Variants in KLHL1 observed in about 807,000 individuals in gnomAD.
KLHL1 encodes the protein kelch like family member 1.
KLHL1 carries 47 observed loss-of-function variants against 77.7 expected under a neutral mutation model. That is an observed-to-expected ratio of 0.60 (90% CI 0.48 to 0.77). The LOEUF (loss-of-function observed/expected upper bound fraction) is 0.77, where lower values mean the gene tolerates loss of function less well. Among genes scored for constraint, KLHL1 ranks in the 30% least tolerant of loss-of-function variants. The pLI is 0.00. For synonymous variants in KLHL1, 360 were observed against 325.2 expected (o/e 1.11, Z -1.15); for missense variants, 925 against 910.8 (o/e 1.02, Z -0.20).
At chr13:70,097,451 A>T (rs1887819432) in intron 1 of KLHL1, among the ~76,000 whole-genome samples, 1 of 152,000 alleles carries the variant, frequency 6.6e-6, no homozygotes, top group Non-Finnish European at 1.5e-5. Context: ...GCTGTCTAAC[A>T]TCACCTAATC....
chr13:70,059,223 A>G (rs370115479), intron 1 of KLHL1, among the ~76,000 whole-genome samples: 1 of 151,700 alleles, frequency 6.6e-6, no homozygotes, highest in African/African-American at 2.4e-5. Flanking sequence ...CAGTGGCACA[A>G]CCTTGGCTTA....
In KLHL1 at chr13:70,064,555, C is replaced by T. The variant is rs143888911; in HGVS notation, c.497+42648G>A. On this transcript the variant is annotated intron_variant, in intron 1 of 10. Coordinates refer to ENST00000377844, the MANE Select transcript of KLHL1 (RefSeq NM_020866.3). ...CACCTATTGTGATAAACCTCATTGTCATGGTTGTAATGTTTCATGTTTTCC... is the reference window on the plus strand; with the variant it reads ...CACCTATTGTGATAAACCTCATTGTTATGGTTGTAATGTTTCATGTTTTCC... 5.1e-3 allele frequency among the ~76,000 whole-genome samples: 784 copies of T among 152,280 alleles called. 8 individuals are homozygous for T. The highest frequency in any genetic ancestry group is 0.018 in the African/African-American group (742 of 41,558).
chr13:69,774,662 AT>A lies in KLHL1; in HGVS notation c.1639+22075del. On this transcript the variant is annotated intron_variant, in intron 7 of 10. Transcript: ENST00000377844. ...TTCCTAATAAACTTGCCTTCACTTA[AT>A]AAAAAAAAACACACACACACAAGCA... Among the ~76,000 whole-genome samples the A allele has an allele frequency of 2.1e-5, 3 of 141,418 alleles. No individual in the cohort carries two copies. In the East Asian group the frequency reaches 6.4e-4, roughly 30 times the overall value. 92.8% of individuals were successfully genotyped at this position (141,418 alleles called of 152,430 possible). A position where few individuals can be genotyped will look rare whatever the true frequency, so the allele number is the denominator to read the frequency against.
At chr13:69,968,295 A>G (rs1008310968) in intron 2 of KLHL1, among the ~76,000 whole-genome samples, 1 of 151,926 alleles carries the variant, frequency 6.6e-6, no homozygotes, top group African/African-American at 2.4e-5. Context: ...GCTACTGCAC[A>G]CTTATTAGAC....
chr13:69,722,715 GAAAACCATTACGA>G (rs1184320076), intron 8 of KLHL1, among the ~76,000 whole-genome samples: 2 of 152,008 alleles, frequency 1.3e-5, no homozygotes, highest in South Asian at 2.1e-4. Context: ...TGTAAATTAG[GAAAACCATTACGA>G]AAAACCATTA....
chr13:70,046,820 GT>G (rs1886510512), intron 1 of KLHL1, among the ~76,000 whole-genome samples: 1 of 151,988 alleles, frequency 6.6e-6, no homozygotes, highest in African/African-American at 2.4e-5. Context: ...TAGCTTATGT[GT>G]TTATACCTTA....
intron 4 of KLHL1, among the ~76,000 whole-genome samples, chr13:69,903,932 G>T (rs967135170): frequency 6.6e-6 from 1 of 151,546 alleles, no homozygotes; most frequent in Non-Finnish European, 1.5e-5. Context: ...GAGCCACCGC[G>T]CCCGGCCCTC....
At chr13:69,937,886 A>C (rs1306699666) in intron 4 of KLHL1, among the ~76,000 whole-genome samples, 1 of 152,150 alleles carries the variant, frequency 6.6e-6, no homozygotes, top group African/African-American at 2.4e-5. Flanking sequence ...ACATCTAAAG[A>C]GTTTGGGCAA....
At chr13:69,969,245 T>G (rs1427285175) in intron 2 of KLHL1, among the ~76,000 whole-genome samples, 1 of 152,228 alleles carries the variant, frequency 6.6e-6, no homozygotes, top group East Asian at 1.9e-4. Context: ...TTAAATATTT[T>G]ATTAATATTA....
At chr13:69,717,148 A>C (rs1252011210) in intron 9 of KLHL1, among the ~76,000 whole-genome samples, 1 of 152,176 alleles carries the variant, frequency 6.6e-6, no homozygotes, top group Non-Finnish European at 1.5e-5. Flanking sequence ...ATAATAGTTT[A>C]CATTTCTATA....
At chr13:69,778,380 C>T (rs890476872) in intron 7 of KLHL1, among the ~76,000 whole-genome samples, 1 of 152,054 alleles carries the variant, frequency 6.6e-6, no homozygotes, top group South Asian at 2.1e-4. Flanking sequence ...GTTTAAAGGG[C>T]CAGTTTTCTA....
At chr13:69,900,956 C>CA (rs543503514) in intron 4 of KLHL1, among the ~76,000 whole-genome samples, 6 of 152,016 alleles carry the variant, frequency 3.9e-5, no homozygotes, top group African/African-American at 1.2e-4. Context: ...CTGCATATCC[C>CA]AAAAAAACCT....
chr13:69,777,252 CTT>C (rs1213241047), intron 7 of KLHL1, among the ~76,000 whole-genome samples: 6 of 152,010 alleles, frequency 3.9e-5, no homozygotes, highest in African/African-American at 1.4e-4. Context: ...ACCTCTTTTT[CTT>C]TTTAAATTAT....
intron 7 of KLHL1, among the ~76,000 whole-genome samples, chr13:69,756,587 A>T (rs1190381794): frequency 6.6e-6 from 1 of 152,178 alleles, no homozygotes; most frequent in Non-Finnish European, 1.5e-5. Flanking sequence ...TAGAAAAGAA[A>T]TGTGAAAAAT....
intron 1 of KLHL1, among the ~76,000 whole-genome samples, chr13:70,089,739 G>C (rs1167291443): frequency 6.6e-6 from 1 of 152,006 alleles, no homozygotes; most frequent in Non-Finnish European, 1.5e-5. Context: ...AACAATATTA[G>C]GTATATTTCA....
rs150222167 is a variant in KLHL1, at chr13:69,792,000, C to G, written c.1639+4738G>C. ...AATTGCAGAGCGTCAGGAGAAATAGCGAATGCATGCTGGGCTTAATACCTA... is the reference window on the plus strand; with the variant it reads ...AATTGCAGAGCGTCAGGAGAAATAGGGAATGCATGCTGGGCTTAATACCTA... On this transcript the variant is annotated intron_variant, in intron 7 of 10. Coordinates refer to ENST00000377844, the MANE Select transcript of KLHL1 (RefSeq NM_020866.3). Among the ~76,000 whole-genome samples, 18 of 152,170 alleles carry G rather than the reference C, an allele frequency of 1.2e-4. No individual in the cohort carries two copies. In the East Asian group the frequency reaches 3.3e-3, roughly 28 times the overall value.
chr13:69,811,384 C>G (rs1877872451), intron 6 of KLHL1, among the ~76,000 whole-genome samples: 1 of 150,572 alleles, frequency 6.6e-6, no homozygotes. Flanking sequence ...ACCATATGGT[C>G]AACGTAATAG....
At chr13:70,043,580 T>C (rs990074568) in intron 1 of KLHL1, among the ~76,000 whole-genome samples, 2 of 152,138 alleles carry the variant, frequency 1.3e-5, no homozygotes, top group African/African-American at 2.4e-5. Context: ...TCTATACAGG[T>C]ATACCATTTT....
chr13:70,076,954 A>C (rs1362060502), intron 1 of KLHL1, among the ~76,000 whole-genome samples: 1 of 151,996 alleles, frequency 6.6e-6, no homozygotes, highest in Non-Finnish European at 1.5e-5. Flanking sequence ...AATTGCCAAG[A>C]TGCTAAATAC....
Sources: gnomAD v4.1 joint callset for allele counts (sites outside exome capture counted in the v4.1 genomes callset) on GRCh38, gnomAD v4.1.1 for gene constraint, MANE v1.5 for transcripts, NCBI Gene and HGNC (gene_info 2026-07-23, HGNC 2026-07-21) for gene names.